JAKMIP1: variants seen among roughly 807,000 people sequenced by gnomAD.
The protein encoded by JAKMIP1 is janus kinase and microtubule-interacting protein 1.
A neutral mutation model predicts 113.0 loss-of-function variants in JAKMIP1; 33 were observed. The ratio of observed to expected loss-of-function variants is 0.29; its 90% CI spans 0.22 to 0.39. The LOEUF (loss-of-function observed/expected upper bound fraction) is 0.39, where lower values mean the gene tolerates loss of function less well. JAKMIP1 is among the 10% of genes least tolerant of loss of function. The probability of loss-of-function intolerance (pLI) is 1.00; values close to 1 mark genes in which losing one functional copy is unlikely to be tolerated. For missense variants in JAKMIP1, 813 were observed against 1,080.5 expected (o/e 0.75, Z 3.47); for synonymous variants, 480 against 459.9 (o/e 1.04, Z -0.56).
At chr4:6,190,061 C>T (rs1467679253) in intron 1 of JAKMIP1, among the ~76,000 whole-genome samples, 1 of 152,190 alleles carries the variant, frequency 6.6e-6, no homozygotes, top group Non-Finnish European at 1.5e-5. Flanking sequence ...TCACTCAATC[C>T]TCCTTTGTAG....
In JAKMIP1 at chr4:6,098,724, A is replaced by AAAG. The variant is rs1712455667; in HGVS notation, c.624+6748_624+6749insCTT. ...AGAAAGAAAGAAAGAAAGAAAGAAAAAGAAAGAAAGAGAAGGAAGGAAGGA... is the reference window on the plus strand; with the variant it reads ...AGAAAGAAAGAAAGAAAGAAAGAAAAAAGAGAAAGAAAGAGAAGGAAGGAAGGA... On this transcript the variant is annotated intron_variant, in intron 3 of 20. Coordinates refer to ENST00000409021, the MANE Select transcript of JAKMIP1 (RefSeq NM_001099433.2). Among the ~76,000 whole-genome samples, 39 of 10,446 alleles carry AAAG rather than the reference A, an allele frequency of 3.7e-3. 2 individuals carry two copies. The highest frequency in any genetic ancestry group is 0.026 in the South Asian group (11 of 420). 6.9% of individuals were successfully genotyped at this position (10,446 alleles called of 152,430 possible). A position where few individuals can be genotyped will look rare whatever the true frequency, so the allele number is the denominator to read the frequency against.
intron 8 of JAKMIP1, among the ~76,000 whole-genome samples, chr4:6,071,686 T>G (rs1186015893): frequency 6.6e-6 from 1 of 152,234 alleles, no homozygotes; most frequent in Non-Finnish European, 1.5e-5. Context: ...TCCCGAGCTC[T>G]GCTCTACCCA....
chr4:6,108,970 C>T lies in JAKMIP1; in HGVS notation c.130-3003G>A, dbSNP rs1714425201. Among the ~76,000 whole-genome samples the T allele has an allele frequency of 6.6e-6, 1 of 152,188 alleles. No homozygotes were observed. Among genetic ancestry groups the T allele is most frequent in the Non-Finnish European group, 1.5e-5 (1 of 68,032 alleles). ...TTCCTTGTTCTGGCAGCTGAGAGGG[C>T]CTAGAAACAATGACACCGCAGCAGT... On this transcript the variant is annotated intron_variant, in intron 2 of 20. Transcript: ENST00000409021. The surrounding 1 kb of genome is among the most constrained non-coding windows in gnomAD (Gnocchi z 5.6).
At chr4:6,027,964 C>A (rs546689537) in intron 20 of JAKMIP1, among the ~76,000 whole-genome samples, 3 of 152,216 alleles carry the variant, frequency 2.0e-5, no homozygotes, top group Admixed American at 2.0e-4. Flanking sequence ...CCAGTCCACA[C>A]GCCTTGCCTG....
In JAKMIP1 at chr4:6,118,091, T is replaced by C. The variant is rs926875685; in HGVS notation, c.-147-5094A>G. Among the ~76,000 whole-genome samples the C allele has an allele frequency of 1.1e-4, 17 of 152,318 alleles. No individual in the cohort carries two copies. The South Asian group carries it at 3.1e-3, about 28-fold the overall frequency. On this transcript the variant is annotated intron_variant, in intron 1 of 20. Transcript: ENST00000409021. Reference sequence around the variant, plus strand: ...GCATAGGAAATCACAAGGGTATTGATTGGGGAAGTGATAAGTGTCCATGAA... The same window carrying C: ...GCATAGGAAATCACAAGGGTATTGACTGGGGAAGTGATAAGTGTCCATGAA...
chr4:6,036,147 G>C, intron 18 of JAKMIP1, 40 bp from the exon 19 acceptor site: 2 of 1,461,520 alleles, frequency 1.4e-6, no homozygotes, highest in Non-Finnish European at 1.9e-6. Context: ...AAGGTCACAA[G>C]GAGGTGGACA....
Position 6,193,393 on chromosome 4 carries a change from T to C in JAKMIP1, c.-148+6860A>G, listed in dbSNP as rs990379066. Among the ~76,000 whole-genome samples, 1 of 152,194 alleles carries C rather than the reference T, an allele frequency of 6.6e-6. No individual in the cohort carries two copies. Among genetic ancestry groups the C allele is most frequent in the Non-Finnish European group, 1.5e-5 (1 of 68,038 alleles). ...ATTCTCCTTAATAAACTCCTTTTCA[T>C]ATACACATATATCCGATTAGTTCTG... On this transcript the variant is annotated intron_variant, in intron 1 of 20. Coordinates refer to ENST00000409021, the MANE Select transcript of JAKMIP1 (RefSeq NM_001099433.2). This position sits in a 1 kb window ranked among gnomAD's most constrained non-coding sequence, Gnocchi z 6.4.
chr4:6,172,792 A>AGATGCCCCACCCTGCCCCC (rs1724890613), intron 1 of JAKMIP1, among the ~76,000 whole-genome samples: 1 of 152,132 alleles, frequency 6.6e-6, no homozygotes, highest in Admixed American at 6.6e-5. Context: ...ACCCTGCCCA[A>AGATGCCCCACCCTGCCCCC]GATGCCCCAC....
chr4:6,141,535 T>C lies in JAKMIP1; in HGVS notation c.-147-28538A>G, dbSNP rs1160204626. 1.3e-5 allele frequency among the ~76,000 whole-genome samples: 2 copies of C among 152,130 alleles called. No individual in the cohort carries two copies. Among genetic ancestry groups the C allele is most frequent in the Non-Finnish European group, 2.9e-5 (2 of 68,036 alleles). The stretch of plus-strand genomic sequence containing the variant: ...CTGGGTTGCTGCTTTACAAAACAAA[T>C]ATTGACTACAGTCCTTAGGACCCCC... On this transcript the variant is annotated intron_variant, in intron 1 of 20. Coordinates refer to ENST00000409021, the MANE Select transcript of JAKMIP1 (RefSeq NM_001099433.2). This position sits in a 1 kb window ranked among gnomAD's most constrained non-coding sequence, Gnocchi z 9.4.
chr4:6,065,762 C>A lies in JAKMIP1; in HGVS notation c.1303-754G>T, dbSNP rs1273035343. Among the ~76,000 whole-genome samples, 1 of 152,218 alleles carries A rather than the reference C, an allele frequency of 6.6e-6. No homozygotes were observed. The highest frequency in any genetic ancestry group is 6.5e-5 in the Admixed American group (1 of 15,292). On this transcript the variant is annotated intron_variant, in intron 8 of 20. Coordinates refer to ENST00000409021, the MANE Select transcript of JAKMIP1 (RefSeq NM_001099433.2). This position sits in a 1 kb window ranked among gnomAD's most constrained non-coding sequence, Gnocchi z 5.1. ...AGTTGCCCTGCTGGCACTTCTCCCA[C>A]TCCAAATATCATAGGATATGGGGCT...
chr4:6,038,838 C>T (rs1338939431), intron 18 of JAKMIP1, among the ~76,000 whole-genome samples: 3 of 152,192 alleles, frequency 2.0e-5, no homozygotes, highest in Admixed American at 6.5e-5. Flanking sequence ...GAGACCCCTG[C>T]GTGGCCAGTT....
intron 19 of JAKMIP1, 24 bp from the exon 20 acceptor site, chr4:6,029,805 C>G (rs1712358636): frequency 4.5e-6 from 7 of 1,550,182 alleles, no homozygotes; most frequent in Non-Finnish European, 6.2e-6. Flanking sequence ...GGTTACGTGT[C>G]AGAAAAAGTA....
In JAKMIP1 at chr4:6,106,385, T is replaced by G. The variant is rs61023198; in HGVS notation, c.130-418A>C. On this transcript the variant is annotated intron_variant, in intron 2 of 20. Coordinates refer to ENST00000409021, the MANE Select transcript of JAKMIP1 (RefSeq NM_001099433.2). This position sits in a 1 kb window ranked among gnomAD's most constrained non-coding sequence, Gnocchi z 5.9. ...GGAGTTGGAAAAGACAGACCAGGCT[T>G]CTAAGTCCTGGGGGGCAGTGAGCAG... 5.7e-3 allele frequency among the ~76,000 whole-genome samples: 871 copies of G among 152,132 alleles called. 7 individuals carry two copies. The highest frequency in any genetic ancestry group is 0.02 in the African/African-American group (811 of 41,560).
Position 6,042,126 on chromosome 4 carries a change from T to C in JAKMIP1, c.2097+33A>G, listed in dbSNP as rs1164610636. The C allele has an allele frequency of 1.9e-6, 3 of 1,570,214 alleles. No homozygotes were observed. Among genetic ancestry groups the C allele is most frequent in the Non-Finnish European group, 2.6e-6 (3 of 1,140,454 alleles). On this transcript the variant is annotated intron_variant, in intron 17 of 20. Coordinates refer to ENST00000409021, the MANE Select transcript of JAKMIP1 (RefSeq NM_001099433.2). This position sits in a 1 kb window ranked among gnomAD's most constrained non-coding sequence, Gnocchi z 5.2. ...CAACCTCTCTGAGCTCTTTGAACCC[T>C]CTCCCCCACCCCCAGGCAGTCAAAT...
chr4:6,137,787 T>A lies in JAKMIP1; in HGVS notation c.-147-24790A>T, dbSNP rs903995957. Among the ~76,000 whole-genome samples the A allele has an allele frequency of 2.0e-5, 3 of 152,252 alleles. No individual in the cohort carries two copies. The highest frequency in any genetic ancestry group is 4.4e-5 in the Non-Finnish European group (3 of 68,046). ...CACACAGGCCTGACCTGAACACAAG[T>A]GAGAGCCAGGTGGGGATAGGACAAG... On this transcript the variant is annotated intron_variant, in intron 1 of 20. Transcript: ENST00000409021. The surrounding 1 kb of genome is among the most constrained non-coding windows in gnomAD (Gnocchi z 4.5).
intron 20 of JAKMIP1, among the ~76,000 whole-genome samples, chr4:6,026,839 T>C (rs1359086554): frequency 6.6e-6 from 1 of 150,958 alleles, no homozygotes; most frequent in Non-Finnish European, 1.5e-5. Context: ...ATGTAAACTT[T>C]CTTAAAACAT....
intron 1 of JAKMIP1, among the ~76,000 whole-genome samples, chr4:6,171,450 TCAC>T (rs1413841476): frequency 1.3e-5 from 2 of 151,800 alleles, no homozygotes; most frequent in Non-Finnish European, 2.9e-5. Flanking sequence ...ACCATCACCA[TCAC>T]CACCACCATT....
chr4:6,114,166 C>A (rs1715391189), intron 1 of JAKMIP1, among the ~76,000 whole-genome samples: 4 of 152,132 alleles, frequency 2.6e-5, no homozygotes. Flanking sequence ...GGAATGAATG[C>A]AGAGCGAGGA....
At chr4:6,148,122 A>G (rs1355880116) in intron 1 of JAKMIP1, among the ~76,000 whole-genome samples, 1 of 152,186 alleles carries the variant, frequency 6.6e-6, no homozygotes, top group Non-Finnish European at 1.5e-5. Context: ...CCTGATCTCC[A>G]CTGCTAAGCA....
Sources: allele counts gnomAD v4.1 joint callset (sites outside exome capture counted in the v4.1 genomes callset), GRCh38; gene constraint gnomAD v4.1.1; non-coding constraint Gnocchi (gnomAD v3.1); transcripts MANE v1.5; gene names NCBI Gene and HGNC (gene_info 2026-07-23, HGNC 2026-07-21).